Variants in TMEM204 observed in about 807,000 individuals in gnomAD.
TMEM204 encodes the protein transmembrane protein 204.
In TMEM204, 15 loss-of-function variants were observed where a neutral mutation model predicts 19.4. That is an observed-to-expected ratio of 0.77 (90% confidence interval 0.52 to 1.19). The LOEUF is 1.19. Among genes scored for constraint, TMEM204 ranks in the 50% most tolerant of loss-of-function variants. The pLI is 0.00. For synonymous variants in TMEM204, 161 were observed against 146.0 expected (o/e 1.10, Z -0.74); for missense variants, 287 against 321.2 (o/e 0.89, Z 0.81).
intron 2 of TMEM204, among the ~76,000 whole-genome samples, chr16:1,549,525 G>A (rs1353345723): frequency 6.6e-6 from 1 of 152,162 alleles, no homozygotes; most frequent in Admixed American, 6.5e-5. Flanking sequence ...TCTGCCTCCC[G>A]GGTTCAAGAA....
intron 2 of TMEM204, among the ~76,000 whole-genome samples, chr16:1,542,366 G>A (rs11649407): frequency 0.15 from 22,332 of 152,290 alleles, 1,827 homozygotes; most frequent in Admixed American, 0.23. Flanking sequence ...TTGCTTTCCT[G>A]AGTCTGTGGG....
chr16:1,531,302 G>A (rs1025870343), upstream of TMEM204: 2 of 152,248 alleles, frequency 1.3e-5, no homozygotes, highest in African/African-American at 4.8e-5. The surrounding 1 kb of genome is among the most constrained non-coding windows in gnomAD (Gnocchi z 4.7). Flanking sequence ...GGGCGGCAGG[G>A]GACGCAGCCT....
intron 2 of TMEM204, among the ~76,000 whole-genome samples, chr16:1,552,410 C>G (rs1432016528): frequency 6.6e-6 from 1 of 152,252 alleles, no homozygotes; most frequent in East Asian, 1.9e-4. Context: ...TCCAGGACCA[C>G]CTCCTCTGAG....
At chr16:1,539,161 G>A (rs1003010909) in intron 1 of TMEM204, among the ~76,000 whole-genome samples, 4 of 150,232 alleles carry the variant, frequency 2.7e-5, no homozygotes, top group Non-Finnish European at 1.5e-5. Context: ...TCACCAAGCT[G>A]CACAGTGCCA....
intron 2 of TMEM204, among the ~76,000 whole-genome samples, chr16:1,543,978 A>G (rs1270887621): frequency 6.6e-6 from 1 of 152,170 alleles, no homozygotes; most frequent in East Asian, 1.9e-4. Flanking sequence ...GATTCTGAAA[A>G]TAACTCCTTC....
In TMEM204 at chr16:1,534,223, C is replaced by T. The variant is rs755413778; in HGVS notation, c.-53C>T. ...GCGTCGGCTCTCCCTGGACGTGCGG[C>T]CGCGGACTGGGACTTGGCTTTCTCC... On this transcript the variant is annotated 5_prime_UTR_variant, in exon 1 of 3. Transcript: ENST00000566264. The T allele has an allele frequency of 8.1e-6, 13 of 1,595,796 alleles. No homozygotes were observed. Among genetic ancestry groups the T allele is most frequent in the Non-Finnish European group, 1.1e-5 (13 of 1,177,162 alleles).
Position 1,554,978 on chromosome 16 carries a change from G to A in TMEM204, c.633G>A (p.Ala211=), listed in dbSNP as rs1157129770. 1.2e-5 allele frequency: 19 copies of A among 1,613,648 alleles called. No individual in the cohort carries two copies. Among genetic ancestry groups the A allele is most frequent in the Admixed American group, 1.7e-5 (1 of 59,996 alleles). The change falls in exon 3 of 3, where the codon GCG becomes GCA. Residue 211 remains alanine, a synonymous_variant. Coordinates refer to ENST00000566264, the MANE Select transcript of TMEM204 (RefSeq NM_024600.6). Reference sequence around the variant, plus strand: ...TTGTCATCAGCCGCTCCCTGACAGCGCGCTTTCGCCGTGGGCTGGACAATG... The same window carrying A: ...TTGTCATCAGCCGCTCCCTGACAGCACGCTTTCGCCGTGGGCTGGACAATG... The part of the protein sequence containing the change: ...RVIVISRSLT[A]RFRRGLDNDY...
Position 1,553,188 on chromosome 16 carries a change from C to G in TMEM204, c.437-1594C>G, listed in dbSNP as rs914425056. ...TACCCATCTCTTGCTCTCTGTCTCT[C>G]CTTCCCTGTGTCTCTGTCTCTGTCT... is the stretch of plus-strand genomic sequence containing the variant. On this transcript the variant is annotated intron_variant, in intron 2 of 2. Transcript: ENST00000566264. The surrounding 1 kb of genome is among the most constrained non-coding windows in gnomAD (Gnocchi z 4.4). The G allele has an allele frequency of 6.2e-5, 61 of 984,706 alleles. No individual in the cohort carries two copies. In the African/African-American group the frequency reaches 1.1e-3, roughly 17 times the overall value. 61.0% of individuals were successfully genotyped at this position (984,706 alleles called of 1,614,324 possible). A position where few individuals can be genotyped will look rare whatever the true frequency, so the allele number is the denominator to read the frequency against.
rs1016998503 is a variant in TMEM204, at chr16:1,555,501, G to C, written c.*475G>C. On this transcript the variant is annotated 3_prime_UTR_variant, in exon 3 of 3. Coordinates refer to ENST00000566264, the MANE Select transcript of TMEM204 (RefSeq NM_024600.6). The stretch of plus-strand genomic sequence containing the variant: ...CTATAGCCGGTTAGTGATGGTTTCA[G>C]ACAGAATCGTGTTCGTGTCTGTTTT... 1 of 164,520 alleles carries C rather than the reference G, an allele frequency of 6.1e-6. No homozygotes were observed. Among genetic ancestry groups the C allele is most frequent in the African/African-American group, 2.4e-5 (1 of 41,640 alleles). The allele number at this position is 164,520 out of a possible 1,614,324, so 10.2% of individuals were successfully genotyped here. A position where few individuals can be genotyped will look rare whatever the true frequency, so the allele number is the denominator to read the frequency against.
At chr16:1,544,284 C>T (rs938359817) in intron 2 of TMEM204, among the ~76,000 whole-genome samples, 2 of 151,468 alleles carry the variant, frequency 1.3e-5, no homozygotes, top group African/African-American at 2.4e-5. Flanking sequence ...CCCGGGTTCA[C>T]GCCATTCTCC....
intron 1 of TMEM204, 76 bp from the exon 2 acceptor site, chr16:1,541,845 G>T: frequency 6.8e-7 from 1 of 1,473,538 alleles, no homozygotes; most frequent in Non-Finnish European, 9.0e-7. Context: ...CAGAGACCAC[G>T]AAAGTGGCGT....
intron 2 of TMEM204, among the ~76,000 whole-genome samples, chr16:1,549,509 G>C (rs1003963268): frequency 6.6e-6 from 1 of 152,144 alleles, no homozygotes; most frequent in Non-Finnish European, 1.5e-5. Context: ...GCTCACCGCC[G>C]CAAGCTCTGC....
At chr16:1,545,553 G>A (rs927069999) in intron 2 of TMEM204, among the ~76,000 whole-genome samples, 1 of 152,232 alleles carries the variant, frequency 6.6e-6, no homozygotes, top group African/African-American at 2.4e-5. Context: ...AAACAGTCAG[G>A]GAGAGACTGA....
rs1415972049 is a variant in TMEM204 at position 1,554,141 on chromosome 16, T to C, written c.437-641T>C. Reference sequence around the variant, plus strand: ...CGGAAGTGAGGGAAGACACCAGATATAGCCAAGGAGCCCTAGACAAGGCCC... The same window carrying C: ...CGGAAGTGAGGGAAGACACCAGATACAGCCAAGGAGCCCTAGACAAGGCCC... On this transcript the variant is annotated intron_variant, in intron 2 of 2. Coordinates refer to ENST00000566264, the MANE Select transcript of TMEM204 (RefSeq NM_024600.6). The C allele has an allele frequency of 1.3e-5, 17 of 1,286,620 alleles. No individual in the cohort carries two copies. In the East Asian group the frequency reaches 1.7e-4, roughly 13 times the overall value. 79.7% of individuals were successfully genotyped at this position (1,286,620 alleles called of 1,614,324 possible). A position where few individuals can be genotyped will look rare whatever the true frequency, so the allele number is the denominator to read the frequency against.
At chr16:1,552,383 G>A (rs1407544685) in intron 2 of TMEM204, among the ~76,000 whole-genome samples, 1 of 151,690 alleles carries the variant, frequency 6.6e-6, no homozygotes, top group Non-Finnish European at 1.5e-5. Context: ...TGAGCTCTCC[G>A]CTGTGCCTGC....
chr16:1,537,248 C>T (rs2031168305), intron 1 of TMEM204, among the ~76,000 whole-genome samples: 1 of 152,250 alleles, frequency 6.6e-6, no homozygotes. Context: ...AACGCCACAC[C>T]GCGTGCCTCC....
At chr16:1,542,816 G>A (rs963090611) in intron 2 of TMEM204, among the ~76,000 whole-genome samples, 1 of 152,260 alleles carries the variant, frequency 6.6e-6, no homozygotes, top group African/African-American at 2.4e-5. Context: ...CCTTGCAGGC[G>A]AGGGGCCATT....
chr16:1,554,318 T>C (rs1219944872), intron 2 of TMEM204, among the ~76,000 whole-genome samples: 2 of 152,258 alleles, frequency 1.3e-5, no homozygotes, highest in African/African-American at 4.8e-5. Context: ...AGAAAAGTCT[T>C]TTCTTTGAAT....
chr16:1,535,134 C>G (rs946784258), intron 1 of TMEM204, among the ~76,000 whole-genome samples: 2 of 152,084 alleles, frequency 1.3e-5, no homozygotes, highest in African/African-American at 4.8e-5. Flanking sequence ...TGGCTTTGTT[C>G]TCACGGTTGT....
Sources: gnomAD v4.1 joint callset for allele counts (sites outside exome capture counted in the v4.1 genomes callset) on GRCh38, gnomAD v4.1.1 for gene constraint, Gnocchi (gnomAD v3.1) non-coding constraint, MANE v1.5 for transcripts, NCBI Gene and HGNC (gene_info 2026-07-23, HGNC 2026-07-21) for gene names.